The following FAM120A variants were observed in gnomAD, a reference collection of about 807,000 sequenced individuals.
FAM120A encodes the protein constitutive coactivator of PPAR-gamma-like protein 1.
FAM120A carries 15 observed loss-of-function variants against 109.7 expected under a neutral mutation model. The ratio of observed to expected loss-of-function variants is 0.14; its 90% CI spans 0.09 to 0.21. The LOEUF is 0.21. Among genes scored for constraint, FAM120A ranks in the 10% least tolerant of loss-of-function variants. The pLI is 1.00. For missense variants in FAM120A, 899 were observed against 1,439.3 expected (o/e 0.62, Z 6.07); for synonymous variants, 493 against 572.8 (o/e 0.86, Z 1.99).
At chr9:93,485,885 C>G (rs1379814050) in intron 3 of FAM120A, among the ~76,000 whole-genome samples, 1 of 149,646 alleles carries the variant, frequency 6.7e-6, no homozygotes, top group African/African-American at 2.4e-5. Context: ...TAGAATCACA[C>G]AACATGTGGT....
chr9:93,484,038 CTT>C (rs202025202), intron 3 of FAM120A, among the ~76,000 whole-genome samples: 11 of 144,324 alleles, frequency 7.6e-5, no homozygotes, highest in Admixed American at 7.0e-5. Flanking sequence ...CTGTGTCTCT[CTT>C]TTTTTTTTTT....
At chr9:93,528,970 A>G (rs978802593) in intron 8 of FAM120A, among the ~76,000 whole-genome samples, 4 of 152,164 alleles carry the variant, frequency 2.6e-5, no homozygotes, top group Admixed American at 6.5e-5. Context: ...GTCTCGAGAA[A>G]ACAGAAACAC....
chr9:93,466,936 C>A (rs1356525255), intron 1 of FAM120A, among the ~76,000 whole-genome samples: 1 of 152,156 alleles, frequency 6.6e-6, no homozygotes, highest in African/African-American at 2.4e-5. Context: ...GGCATACTTA[C>A]ACAAGTCGAG....
chr9:93,492,940 G>C (rs75576302), intron 3 of FAM120A, among the ~76,000 whole-genome samples: 11,694 of 152,274 alleles, frequency 0.077, 584 homozygotes, highest in Non-Finnish European at 0.1. Context: ...CCAGTTACTT[G>C]TGGTGTCTTG....
intron 17 of FAM120A, among the ~76,000 whole-genome samples, chr9:93,563,503 AACACCCT>A (rs1862542772): frequency 6.6e-6 from 1 of 152,190 alleles, no homozygotes; most frequent in Non-Finnish European, 1.5e-5. Flanking sequence ...TGTGCTGCTA[AACACCCT>A]ACGGTGTGTG....
chr9:93,510,982 G>A (rs1162686926), intron 5 of FAM120A, among the ~76,000 whole-genome samples: 2 of 151,788 alleles, frequency 1.3e-5, no homozygotes, highest in Non-Finnish European at 2.9e-5. Flanking sequence ...AATGTTTATA[G>A]AAGTTCAGCC....
At chr9:93,478,155 T>C (rs1588808283) in intron 3 of FAM120A, among the ~76,000 whole-genome samples, 1 of 137,876 alleles carries the variant, frequency 7.3e-6, no homozygotes, top group Admixed American at 7.0e-5. Context: ...ATCAACTAAA[T>C]TAATAATTCT....
chr9:93,484,178 C>T (rs1588821955), intron 3 of FAM120A, among the ~76,000 whole-genome samples: 1 of 152,132 alleles, frequency 6.6e-6, no homozygotes, highest in East Asian at 1.9e-4. Context: ...GCCTCAGCCT[C>T]CCAAGTAGCT....
chr9:93,546,949 T>C (rs1861913717), intron 11 of FAM120A, among the ~76,000 whole-genome samples: 1 of 152,234 alleles, frequency 6.6e-6, no homozygotes, highest in Non-Finnish European at 1.5e-5. Context: ...TAGTTTTTGC[T>C]TTTACTAGTG....
At chr9:93,545,967 G>GTTT (rs1861874081) in intron 11 of FAM120A, among the ~76,000 whole-genome samples, 1 of 151,298 alleles carries the variant, frequency 6.6e-6, no homozygotes, top group Admixed American at 6.6e-5. Context: ...TGTATTTTTC[G>GTTT]TAGAGATGGA....
chr9:93,463,126 C>T (rs1194367364), intron 1 of FAM120A, among the ~76,000 whole-genome samples: 1 of 152,154 alleles, frequency 6.6e-6, no homozygotes, highest in African/African-American at 2.4e-5. Context: ...TTTACATTCC[C>T]ACCAGCAATG....
intron 17 of FAM120A, among the ~76,000 whole-genome samples, chr9:93,563,954 A>G (rs1015274222): frequency 1.3e-5 from 2 of 152,250 alleles, no homozygotes; most frequent in African/African-American, 4.8e-5. Context: ...TTAGTGCCAT[A>G]CAAAGGATTA....
intron 5 of FAM120A, among the ~76,000 whole-genome samples, chr9:93,515,136 G>A (rs2254941): frequency 6.6e-6 from 1 of 152,210 alleles, no homozygotes; most frequent in African/African-American, 2.4e-5. Context: ...ACAATGAAAA[G>A]CAATTCCTTT....
intron 7 of FAM120A, among the ~76,000 whole-genome samples, chr9:93,526,905 G>C (rs186055050): frequency 7.4e-4 from 113 of 152,336 alleles, no homozygotes; most frequent in Middle Eastern, 6.8e-3. Context: ...GCAAATCACA[G>C]ACCATCTCTG....
rs549690286 is a variant in FAM120A, at chr9:93,453,552, G to A, written c.474+1163G>A. 1.2e-5 allele frequency: 12 copies of A among 985,418 alleles called. No homozygotes were observed. In the South Asian group the frequency reaches 5.6e-4, roughly 46 times the overall value. The allele number at this position is 985,418 out of a possible 1,614,324, so 61.0% of individuals were successfully genotyped here. On this transcript the variant is annotated intron_variant, in intron 1 of 17. Coordinates refer to ENST00000277165, the MANE Select transcript of FAM120A (RefSeq NM_014612.5). ...TTCTGTCTTCGCGGTTGCCCCCACT[G>A]CCCGCGAGGAGATGGTGGTAGTTAA...
At chr9:93,487,695 C>T (rs145361175) in intron 3 of FAM120A, among the ~76,000 whole-genome samples, 13 of 152,260 alleles carry the variant, frequency 8.5e-5, no homozygotes, top group African/African-American at 2.6e-4. Flanking sequence ...GGGAAATGGA[C>T]ACAATGGGAC....
Position 93,564,565 on chromosome 9 carries a change from G to T in FAM120A, c.*25G>T. 6.4e-7 allele frequency: 1 copy of T among 1,562,340 alleles called. No homozygotes were observed. The highest frequency in any genetic ancestry group is 1.1e-5 in the South Asian group (1 of 86,996). On this transcript the variant is annotated 3_prime_UTR_variant, in exon 18 of 18. Coordinates refer to ENST00000277165, the MANE Select transcript of FAM120A (RefSeq NM_014612.5). ...AACTTATTTTTTATAGAGGGTGAAG[G>T]ATGCTGGAAGGGTAAGGATTTAGGA...
chr9:93,467,036 A>T (rs915654206), intron 1 of FAM120A, among the ~76,000 whole-genome samples: 2 of 152,060 alleles, frequency 1.3e-5, no homozygotes, highest in Non-Finnish European at 2.9e-5. Flanking sequence ...AATTTTATAG[A>T]TTTGTCAGTC....
At chr9:93,477,175 G>T (rs1353219233) in intron 3 of FAM120A, among the ~76,000 whole-genome samples, 1 of 152,066 alleles carries the variant, frequency 6.6e-6, no homozygotes, top group Non-Finnish European at 1.5e-5. Context: ...TTTGAATGTT[G>T]TCGTAATTAC....
Sources: allele counts gnomAD v4.1 joint callset (sites outside exome capture counted in the v4.1 genomes callset), GRCh38; gene constraint gnomAD v4.1.1; transcripts MANE v1.5; gene names NCBI Gene and HGNC (gene_info 2026-07-23, HGNC 2026-07-21).